Variants in REPS2 observed in about 807,000 individuals in gnomAD.
REPS2 encodes ralBP1-associated Eps domain-containing protein 2.
REPS2 carries 23 observed loss-of-function variants against 53.6 expected under a neutral mutation model. That is an observed-to-expected ratio of 0.43 (90% CI 0.31 to 0.61). The LOEUF (loss-of-function observed/expected upper bound fraction) is 0.61. Ranked by LOEUF, REPS2 falls within the 20% of genes least tolerant of loss-of-function variation. The pLI is 0.11. For missense variants in REPS2, 446 were observed against 534.9 expected, an observed-to-expected ratio of 0.83 and a Z score of 1.64; for synonymous variants, 238 against 218.6, an observed-to-expected ratio of 1.09 and a Z score of -0.78.
intron 14 of REPS2, among the ~76,000 whole-genome samples, chrX:17,108,515 T>C (rs1184740903): frequency 9.0e-6 from 1 of 111,709 alleles, no homozygotes; most frequent in African/African-American, 3.3e-5. Context: ...CAAGGGACTG[T>C]TTGGTACTTC....
intron 1 of REPS2, among the ~76,000 whole-genome samples, chrX:16,967,318 A>G (rs2060782690): frequency 9.1e-6 from 1 of 110,166 alleles, no homozygotes; most frequent in African/African-American, 3.3e-5. Context: ...AGACCCTAAG[A>G]AAAAGTTTGC....
chrX:17,071,514 C>T (rs1371066406), intron 11 of REPS2, among the ~76,000 whole-genome samples: 4 of 111,059 alleles, frequency 3.6e-5, no homozygotes, highest in Admixed American at 9.5e-5. Flanking sequence ...AGAAGTATGT[C>T]GGAATTGATT....
At chrX:17,115,199 G>A (rs1162579182) in intron 14 of REPS2, among the ~76,000 whole-genome samples, 6 of 112,298 alleles carry the variant, frequency 5.3e-5, no homozygotes, top group African/African-American at 1.6e-4. Flanking sequence ...TCATTTTTGG[G>A]TGTTTCTCAG....
intron 14 of REPS2, among the ~76,000 whole-genome samples, chrX:17,117,508 A>G (rs2063072015): frequency 9.1e-6 from 1 of 109,389 alleles, no homozygotes; most frequent in Admixed American, 9.8e-5. Flanking sequence ...CCCACCTATG[A>G]GTGAGAACAT....
chrX:17,059,998 A>AGTCTCCTTTTGATAGTTTCATCTAG (rs1378012883), intron 8 of REPS2, among the ~76,000 whole-genome samples: 1 of 60,305 alleles, frequency 1.7e-5, no homozygotes, highest in Non-Finnish European at 4.3e-5. Context: ...GTTTCATCAA[A>AGTCTCCTTTTGATAGTTTCATCTAG]AGTCTCCTTT....
chrX:17,194,157 T>C, the REPS2 span, among the ~76,000 whole-genome samples: 1 of 111,919 alleles, frequency 8.9e-6, no homozygotes, highest in Non-Finnish European at 1.9e-5. Context: ...AGCATGTTAA[T>C]TGGTGTTATG....
intron 14 of REPS2, among the ~76,000 whole-genome samples, chrX:17,131,889 C>A (rs1162280594): frequency 9.2e-6 from 1 of 109,015 alleles, no homozygotes; most frequent in East Asian, 2.9e-4. Flanking sequence ...TTAAGAAGGG[C>A]CATATTTACT....
chrX:17,068,040 G>A (rs184116064), intron 9 of REPS2, among the ~76,000 whole-genome samples: 34 of 112,064 alleles, frequency 3.0e-4, no homozygotes, highest in Admixed American at 4.7e-4. Flanking sequence ...TCGGCTGGGC[G>A]CGGTGGCTCA....
intron 13 of REPS2, among the ~76,000 whole-genome samples, chrX:17,085,899 A>G (rs1399189282): frequency 8.9e-6 from 1 of 111,961 alleles, no homozygotes; most frequent in Non-Finnish European, 1.9e-5. Flanking sequence ...AACAAAATTA[A>G]CAATAATTCT....
chrX:16,965,722 G>A (rs1292457684), intron 1 of REPS2, among the ~76,000 whole-genome samples: 2 of 112,851 alleles, frequency 1.8e-5, no homozygotes, highest in Non-Finnish European at 3.8e-5. Context: ...GCTGGGCAGA[G>A]GCTGCAATCT....
intron 1 of REPS2, among the ~76,000 whole-genome samples, chrX:17,002,215 G>A (rs1460313034): frequency 1.8e-5 from 2 of 110,882 alleles, no homozygotes; most frequent in Non-Finnish European, 3.8e-5. Context: ...GAGGGAAGGA[G>A]GGAGGGAGAG....
chrX:16,966,103 AGAGAGGGAGAGGGAGACCGTGGG>A (rs1460531994), intron 1 of REPS2, among the ~76,000 whole-genome samples: 1 of 111,796 alleles, frequency 8.9e-6, no homozygotes, highest in South Asian at 3.7e-4. Flanking sequence ...GACTGTGGAA[AGAGAGGGAGAGGGAGACCGTGGG>A]GAGAGGGAGA....
downstream of REPS2, among the ~76,000 whole-genome samples, chrX:17,155,368 G>A (rs182099091): frequency 9.9e-5 from 11 of 111,412 alleles, no homozygotes; most frequent in African/African-American, 3.3e-4. Context: ...TCATTCATGA[G>A]GGCAGCCATC....
At chrX:17,050,141 C>CTTTCTTT (rs1555926660) in intron 6 of REPS2, among the ~76,000 whole-genome samples, 1 of 20,383 alleles carries the variant, frequency 4.9e-5, no homozygotes, top group Non-Finnish European at 9.1e-5. Flanking sequence ...TTCCTTTCTT[C>CTTTCTTT]CTTTCTTTCT....
At chrX:16,949,996 T>C (rs769226102) in intron 1 of REPS2, among the ~76,000 whole-genome samples, 1 of 111,188 alleles carries the variant, frequency 9.0e-6, no homozygotes, top group Non-Finnish European at 1.9e-5. Flanking sequence ...CAGAATAGTT[T>C]CACTGCTCTA....
chrX:17,052,385 C>T lies in REPS2; in HGVS notation c.911C>T (p.Ser304Phe). The T allele has an allele frequency of 8.3e-7, 1 of 1,206,021 alleles. No homozygotes were observed. The highest frequency in any genetic ancestry group is 1.1e-6 in the Non-Finnish European group (1 of 892,070). The change falls in exon 7 of 18, where the codon TCT becomes TTT. Residue 304 changes from serine to phenylalanine, a missense_variant. Ser to Phe is a radical substitution (Grantham distance 155, BLOSUM62 -2). Transcript: ENST00000357277. ...TTTAAACAATGGCACTTGACAGGTTCTGTGGCCAAGAACTTCTTCACCAAA... is the reference window on the plus strand; with the variant it reads ...TTTAAACAATGGCACTTGACAGGTTTTGTGGCCAAGAACTTCTTCACCAAA... Reference protein sequence around the residue: ...QPDPSSFISGSVAKNFFTKSK... With the variant: ...QPDPSSFISGFVAKNFFTKSK...
chrX:17,118,945 A>G (rs2063102320), intron 14 of REPS2, among the ~76,000 whole-genome samples: 1 of 112,458 alleles, frequency 8.9e-6, no homozygotes, highest in Non-Finnish European at 1.9e-5. Context: ...ATGCATTTCA[A>G]AATTGATTTT....
intron 2 of REPS2, among the ~76,000 whole-genome samples, chrX:17,016,003 A>G (rs773040583): frequency 5.4e-5 from 6 of 111,430 alleles, no homozygotes; most frequent in East Asian, 2.8e-4. Context: ...TTCCACAATG[A>G]TTGAACTAGT....
intron 8 of REPS2, among the ~76,000 whole-genome samples, chrX:17,059,791 C>G (rs1321759006): frequency 9.0e-6 from 1 of 111,158 alleles, no homozygotes; most frequent in Non-Finnish European, 1.9e-5. Flanking sequence ...AATAATGGAA[C>G]AGGAATTGTA....
Sources: allele counts gnomAD v4.1 joint callset (sites outside exome capture counted in the v4.1 genomes callset), GRCh38; gene constraint gnomAD v4.1.1; transcripts MANE v1.5; gene names NCBI Gene and HGNC (gene_info 2026-07-23, HGNC 2026-07-21).